CALN1: variants seen among roughly 807,000 people sequenced by gnomAD.
CALN1 encodes the protein calcium-binding protein 8.
In CALN1, 17 loss-of-function variants were observed where a neutral mutation model predicts 30.6. The observed-to-expected ratio is 0.56, with a 90% CI of 0.38 to 0.83. The LOEUF (loss-of-function observed/expected upper bound fraction) is 0.83, where lower values mean the gene tolerates loss of function less well. Among genes scored for constraint, CALN1 ranks in the 40% least tolerant of loss-of-function variants. The probability of loss-of-function intolerance (pLI) is 0.00; values close to 1 mark genes in which losing one functional copy is unlikely to be tolerated. For missense variants in CALN1, 291 were observed against 354.9 expected, an observed-to-expected ratio of 0.82 and a Z score of 1.45; for synonymous variants, 156 against 131.4, an observed-to-expected ratio of 1.19 and a Z score of -1.28.
intron 2 of CALN1, among the ~76,000 whole-genome samples, chr7:72,336,192 GA>G (rs1050907910): frequency 6.6e-6 from 1 of 152,064 alleles, no homozygotes; most frequent in African/African-American, 2.4e-5. Flanking sequence ...GAGGTGGAGA[GA>G]ACCCTGCCTC....
At chr7:72,465,108 C>T in the CALN1 span, among the ~76,000 whole-genome samples, 4 of 152,118 alleles carry the variant, frequency 2.6e-5, no homozygotes, top group Non-Finnish European at 5.9e-5. Flanking sequence ...TCTCAGATGC[C>T]TCTCTCTGCT....
intron 4 of CALN1, among the ~76,000 whole-genome samples, chr7:72,075,835 G>A (rs950288959): frequency 6.6e-6 from 1 of 152,160 alleles, no homozygotes; most frequent in African/African-American, 2.4e-5. Context: ...AGAGACATCT[G>A]GGTGTCAGGG....
chr7:72,073,668 T>TCCC (rs1318800067), intron 4 of CALN1, among the ~76,000 whole-genome samples: 1 of 143,646 alleles, frequency 7.0e-6, no homozygotes, highest in African/African-American at 2.5e-5. Flanking sequence ...TCCCCTCCCC[T>TCCC]CCCCTCCCTT....
chr7:72,164,846 G>A (rs1472691454), intron 3 of CALN1, among the ~76,000 whole-genome samples: 1 of 151,956 alleles, frequency 6.6e-6, no homozygotes, highest in Non-Finnish European at 1.5e-5. Context: ...TAATTTGGGT[G>A]GTATTTTTTA....
chr7:72,268,445 CA>C (rs1337662266), intron 3 of CALN1, among the ~76,000 whole-genome samples: 3 of 152,066 alleles, frequency 2.0e-5, no homozygotes, highest in Non-Finnish European at 4.4e-5. Context: ...TAAGCAGAAG[CA>C]AAATGTTAAA....
chr7:71,979,866 ATTCTTTTTT>A, intron 5 of CALN1, among the ~76,000 whole-genome samples: 1 of 118,830 alleles, frequency 8.4e-6, no homozygotes, highest in East Asian at 2.9e-4. Context: ...ACACATCAGG[ATTCTTTTTT>A]TTTTTTTTTT....
Position 72,063,849 on chromosome 7 carries a change from C to G in CALN1, c.389-40080G>C, listed in dbSNP as rs755624722. Among the ~76,000 whole-genome samples, 91 of 152,220 alleles carry G rather than the reference C, an allele frequency of 6.0e-4. No individual in the cohort carries two copies. The Middle Eastern group carries it at 0.014, about 23-fold the overall frequency. ...TAATACAAATATTCTCAAATCCACA[C>G]CCCCACCCCCAAAATAAAATCCAAA... On this transcript the variant is annotated intron_variant, in intron 4 of 6. Transcript: ENST00000395275.
chr7:72,356,187 A>G (rs1184288483), intron 2 of CALN1, among the ~76,000 whole-genome samples: 1 of 152,322 alleles, frequency 6.6e-6, no homozygotes, highest in Non-Finnish European at 1.5e-5. Context: ...GAATTGCTAT[A>G]GTGAGCTATT....
intron 4 of CALN1, among the ~76,000 whole-genome samples, chr7:72,077,817 C>T (rs1804852689): frequency 6.6e-6 from 1 of 152,206 alleles, no homozygotes. Flanking sequence ...CCAAAGCCAT[C>T]ACTTTGCAGA....
At chr7:72,436,896 G>T (rs1808178115) in intron 1 of CALN1, among the ~76,000 whole-genome samples, 1 of 152,052 alleles carries the variant, frequency 6.6e-6, no homozygotes, top group African/African-American at 2.4e-5. Flanking sequence ...CACAGCGAGG[G>T]CTCGTCTCTG....
the CALN1 span, among the ~76,000 whole-genome samples, chr7:72,484,797 G>A: frequency 4.9e-4 from 74 of 150,460 alleles, no homozygotes; most frequent in Non-Finnish European, 8.4e-4. Context: ...GCAATTGTAG[G>A]GCTTGCCTCG....
intron 5 of CALN1, among the ~76,000 whole-genome samples, chr7:71,991,988 T>C (rs1317281821): frequency 6.6e-6 from 1 of 152,252 alleles, no homozygotes; most frequent in Non-Finnish European, 1.5e-5. Context: ...TAGGCAGCTA[T>C]AACCTTTGTT....
chr7:71,867,256 T>G (rs771731066), intron 5 of CALN1, among the ~76,000 whole-genome samples: 1 of 151,932 alleles, frequency 6.6e-6, no homozygotes, highest in Non-Finnish European at 1.5e-5. Context: ...AGAAGGCGTC[T>G]GTCAGGAAAT....
At chr7:72,357,499 A>G (rs975836295) in intron 2 of CALN1, among the ~76,000 whole-genome samples, 1 of 151,732 alleles carries the variant, frequency 6.6e-6, no homozygotes, top group Non-Finnish European at 1.5e-5. Flanking sequence ...TGCTGATACC[A>G]CCCCCAACCC....
intron 2 of CALN1, among the ~76,000 whole-genome samples, chr7:72,320,834 C>CA (rs56192893): frequency 0.012 from 793 of 66,644 alleles, 3 homozygotes; most frequent in Middle Eastern, 0.028. Context: ...GACTCCATCT[C>CA]AAAAAAAAAA....
chr7:72,348,661 AT>A (rs1802769183), intron 2 of CALN1, among the ~76,000 whole-genome samples: 1 of 152,242 alleles, frequency 6.6e-6, no homozygotes, highest in South Asian at 2.1e-4. Context: ...GAGAAAACTC[AT>A]TGAACACCCG....
At chr7:71,886,407 C>T (rs1792911633) in intron 5 of CALN1, among the ~76,000 whole-genome samples, 1 of 152,220 alleles carries the variant, frequency 6.6e-6, no homozygotes, top group African/African-American at 2.4e-5. Flanking sequence ...TCACTCACGT[C>T]TTTCTGTTGA....
the CALN1 span, among the ~76,000 whole-genome samples, chr7:72,485,017 T>C: frequency 3.9e-5 from 6 of 152,344 alleles, no homozygotes; most frequent in Non-Finnish European, 8.8e-5. Flanking sequence ...GGTGGCCTTA[T>C]ACTTGTCTTG....
chr7:71,968,171 G>A (rs1165503956), intron 5 of CALN1, among the ~76,000 whole-genome samples: 1 of 152,114 alleles, frequency 6.6e-6, no homozygotes, highest in Non-Finnish European at 1.5e-5. Context: ...AATGCACAGA[G>A]TGTAAGCTAT....
Sources: allele counts gnomAD v4.1 joint callset (sites outside exome capture counted in the v4.1 genomes callset), GRCh38; gene constraint gnomAD v4.1.1; transcripts MANE v1.5; gene names NCBI Gene and HGNC (gene_info 2026-07-23, HGNC 2026-07-21).